The following C16orf78 variants were observed in gnomAD, a reference collection of about 807,000 sequenced individuals.
C16orf78 encodes uncharacterized protein C16orf78.
C16orf78 carries 19 observed loss-of-function variants against 27.3 expected under a neutral mutation model. That is an observed-to-expected ratio of 0.70 (90% CI 0.49 to 1.02). C16orf78 has a LOEUF of 1.02. Among genes scored for constraint, C16orf78 ranks in the 50% least tolerant of loss-of-function variants. The pLI is 0.00. For missense variants in C16orf78, 339 were observed against 337.0 expected, an observed-to-expected ratio of 1.01 and a Z score of -0.05; for synonymous variants, 130 against 116.1, an observed-to-expected ratio of 1.12 and a Z score of -0.77.
In C16orf78 at chr16:49,378,604, A is replaced by C; in HGVS notation, c.394+11A>C. On this transcript the variant is annotated intron_variant, in intron 3 of 4. Coordinates refer to ENST00000299191, the MANE Select transcript of C16orf78 (RefSeq NM_144602.4). ...GCCCCAAGAAATCTGGTAAGGGAAAAACCTTGGCCCCGGCCACCAGAATCC... is the reference window on the plus strand; with the variant it reads ...GCCCCAAGAAATCTGGTAAGGGAAACACCTTGGCCCCGGCCACCAGAATCC... The C allele has an allele frequency of 6.2e-7, 1 of 1,613,762 alleles. No homozygotes were observed. The highest frequency in any genetic ancestry group is 8.5e-7 in the Non-Finnish European group (1 of 1,179,906).
rs780359681 is a variant in C16orf78 at position 49,378,559 on chromosome 16, T to C, written c.360T>C (p.Pro120=). The part of the protein sequence containing the change: ...EQKGKHLSMV[P]GSYIKDGPKK... ...AGGGGAAACACCTCAGCATGGTCCC[T>C]GGCAGCTACATCAAGGATGGCCCCA... Residue 120 remains proline, a synonymous_variant, in exon 3 of 5, where the codon CCT becomes CCC. Transcript: ENST00000299191. 6 of 1,613,888 alleles carry C rather than the reference T, an allele frequency of 3.7e-6. No individual in the cohort carries two copies. The highest frequency in any genetic ancestry group is 5.1e-6 in the Non-Finnish European group (6 of 1,179,938).
intron 3 of C16orf78, among the ~76,000 whole-genome samples, chr16:49,384,992 G>A (rs181579085): frequency 9.9e-5 from 15 of 152,284 alleles, no homozygotes; most frequent in African/African-American, 3.6e-4. Flanking sequence ...AACAAAGAGT[G>A]AGAGTTTTCA....
chr16:49,395,801 C>T (rs1397152088), intron 3 of C16orf78, among the ~76,000 whole-genome samples: 4 of 152,272 alleles, frequency 2.6e-5, no homozygotes, highest in Non-Finnish European at 5.9e-5. Flanking sequence ...GCTACCTCCT[C>T]TAGGCTCATT....
chr16:49,399,386 C>T lies in C16orf78; in HGVS notation c.*108C>T. On this transcript the variant is annotated 3_prime_UTR_variant, in exon 5 of 5. Coordinates refer to ENST00000299191, the MANE Select transcript of C16orf78 (RefSeq NM_144602.4). ...GTGGTCCTTCCAACTTAGTGCATCC[C>T]TTTAGAAAGTAAGCAATCAGAAAAC... is the stretch of plus-strand genomic sequence containing the variant. 3 of 1,317,512 alleles carry T rather than the reference C, an allele frequency of 2.3e-6. No homozygotes were observed. Among genetic ancestry groups the T allele is most frequent in the Non-Finnish European group, 3.1e-6 (3 of 955,082 alleles). The allele number at this position is 1,317,512 out of a possible 1,614,324, so 81.6% of individuals were successfully genotyped here.
rs1168048498 is a variant in C16orf78, at chr16:49,399,351, C to G, written c.*73C>G. Reference sequence around the variant, plus strand: ...TTCACCTCCAGATGCCATCCTCTGGCACACTACAAGTGGTCCTTCCAACTT... The same window carrying G: ...TTCACCTCCAGATGCCATCCTCTGGGACACTACAAGTGGTCCTTCCAACTT... On this transcript the variant is annotated 3_prime_UTR_variant, in exon 5 of 5. Transcript: ENST00000299191. 9.1e-6 allele frequency: 14 copies of G among 1,545,230 alleles called. No homozygotes were observed. The highest frequency in any genetic ancestry group is 1.2e-5 in the Non-Finnish European group (14 of 1,128,368).
At chr16:49,377,922 C>A in intron 2 of C16orf78, 72 bp downstream of exon 2, 1 of 1,509,970 alleles carries the variant, frequency 6.6e-7, no homozygotes, top group Non-Finnish European at 8.9e-7. Flanking sequence ...TGCTTCTCTC[C>A]TGCATAATGC....
rs140851386 is a variant in C16orf78 at position 49,385,958 on chromosome 16, G to A, written c.394+7365G>A. ...TAATAAAAACAAGATCCAACTATAC[G>A]CTGCCCATGAGAGACTCACTTTAGC... On this transcript the variant is annotated intron_variant, in intron 3 of 4. Coordinates refer to ENST00000299191, the MANE Select transcript of C16orf78 (RefSeq NM_144602.4). Among the ~76,000 whole-genome samples, 288 of 152,252 alleles carry A rather than the reference G, an allele frequency of 1.9e-3. 3 individuals carry two copies. The highest frequency in any genetic ancestry group is 6.3e-3 in the African/African-American group (260 of 41,548).
At chr16:49,381,817 G>A (rs1263131376) in intron 3 of C16orf78, among the ~76,000 whole-genome samples, 3 of 152,114 alleles carry the variant, frequency 2.0e-5, no homozygotes, top group Non-Finnish European at 4.4e-5. Context: ...CTGCTGGTGG[G>A]ACTGTAAACT....
chr16:49,395,116 T>C (rs1203495482), intron 3 of C16orf78, among the ~76,000 whole-genome samples: 1 of 152,184 alleles, frequency 6.6e-6, no homozygotes, highest in Non-Finnish European at 1.5e-5. Flanking sequence ...CAGGCTGATC[T>C]TGAACTCCTG....
chr16:49,397,821 A>G (rs894620179), intron 4 of C16orf78, among the ~76,000 whole-genome samples: 1 of 152,216 alleles, frequency 6.6e-6, no homozygotes, highest in Non-Finnish European at 1.5e-5. Context: ...GCTGGAGTGC[A>G]GTGATGTGAT....
At chr16:49,378,442 G>A (rs752966811) in intron 2 of C16orf78, 28 bp from the exon 3 acceptor site, 11 of 1,552,156 alleles carry the variant, frequency 7.1e-6, no homozygotes, top group Non-Finnish European at 9.6e-6. Context: ...TGTAACTGGG[G>A]TGTGACTTCT....
intron 3 of C16orf78, among the ~76,000 whole-genome samples, chr16:49,380,563 A>C (rs1157299369): frequency 6.6e-6 from 1 of 152,090 alleles, no homozygotes; most frequent in African/African-American, 2.4e-5. Context: ...CTCTCACACG[A>C]AGTCATTGTG....
At chr16:49,390,091 A>G (rs1414080774) in intron 3 of C16orf78, among the ~76,000 whole-genome samples, 1 of 152,166 alleles carries the variant, frequency 6.6e-6, no homozygotes, top group Non-Finnish European at 1.5e-5. Flanking sequence ...ACTGTCCTCT[A>G]GCTTGTTTGC....
chr16:49,391,215 C>T (rs547593282), intron 3 of C16orf78, among the ~76,000 whole-genome samples: 1 of 152,208 alleles, frequency 6.6e-6, no homozygotes, highest in South Asian at 2.1e-4. Context: ...AGGAAAAGAT[C>T]CTGGGAAAAC....
intron 3 of C16orf78, among the ~76,000 whole-genome samples, chr16:49,396,194 A>G (rs1965469606): frequency 6.6e-6 from 1 of 152,118 alleles, no homozygotes; most frequent in Non-Finnish European, 1.5e-5. Context: ...GTGAGGTATG[A>G]TTGTGTCACT....
chr16:49,384,179 T>C (rs1237007384), intron 3 of C16orf78, among the ~76,000 whole-genome samples: 1 of 151,858 alleles, frequency 6.6e-6, no homozygotes, highest in African/African-American at 2.4e-5. Context: ...AGAAACCCCA[T>C]CTTTACTAAA....
intron 4 of C16orf78, 116 bp from the exon 5 acceptor site, chr16:49,399,015 C>A (rs4785287): frequency 0.16 from 178,276 of 1,106,844 alleles, 16,092 homozygotes; most frequent in Middle Eastern, 0.21. Context: ...CTGGGAGAGA[C>A]AGCCCCTTGC....
rs892078472 is a variant in C16orf78, at chr16:49,384,555, T to C, written c.394+5962T>C. The stretch of plus-strand genomic sequence containing the variant: ...ATAATAAAGAAAGCCAACAGACTTA[T>C]GGTACACTGGCAAGTGAAACAATAC... On this transcript the variant is annotated intron_variant, in intron 3 of 4. Transcript: ENST00000299191. Among the ~76,000 whole-genome samples the C allele has an allele frequency of 4.6e-5, 7 of 151,944 alleles. 1 individual carries two copies. The East Asian group carries it at 1.4e-3, about 29-fold the overall frequency.
intron 3 of C16orf78, among the ~76,000 whole-genome samples, chr16:49,382,174 A>T (rs1596922788): frequency 6.6e-6 from 1 of 152,244 alleles, no homozygotes; most frequent in East Asian, 1.9e-4. Context: ...ACAAAAAACC[A>T]AACACCGCAT....
Sources: allele counts gnomAD v4.1 joint callset (sites outside exome capture counted in the v4.1 genomes callset), GRCh38; gene constraint gnomAD v4.1.1; transcripts MANE v1.5; gene names NCBI Gene and HGNC (gene_info 2026-07-23, HGNC 2026-07-21).